The following MAP7D2 variants were observed in gnomAD, a reference collection of about 807,000 sequenced individuals.
MAP7D2 encodes the protein MAP7 domain-containing protein 2.
In MAP7D2, 33 loss-of-function variants were observed where a neutral mutation model predicts 63.5. The ratio of observed to expected loss-of-function variants is 0.52; its 90% CI spans 0.39 to 0.70. The LOEUF is 0.70. Ranked by LOEUF, MAP7D2 falls within the 30% of genes least tolerant of loss-of-function variation. The pLI is 0.00. For missense variants in MAP7D2, 626 were observed against 604.0 expected, an observed-to-expected ratio of 1.04 and a Z score of -0.38; for synonymous variants, 224 against 223.7, an observed-to-expected ratio of 1.00 and a Z score of -0.01.
Position 20,042,563 on chromosome X carries a change from G to C in MAP7D2, c.946C>G (p.Leu316Val), listed in dbSNP as rs1016356368. The change falls in exon 8 of 17, where the codon CTG (leucine) becomes GTG (valine). Residue 316 changes from leucine to valine, a missense_variant. Physicochemically the swap from Leu to Val is conservative, Grantham distance 32 (BLOSUM62 1). Transcript: ENST00000379643. ...SLPVVNFGSP[L>V]RRCEFSGGIP... ...CCTCCAGAAAACTCACATCTTCTCA[G>C]AGGGGACCCGAAGTTCACAACAGGA... 10 of 1,209,693 alleles carry C rather than the reference G, an allele frequency of 8.3e-6. No homozygotes were observed. Among genetic ancestry groups the C allele is most frequent in the Non-Finnish European group, 1.1e-5 (10 of 894,920 alleles).
chrX:20,027,058 T>C (rs181455347), intron 8 of MAP7D2, among the ~76,000 whole-genome samples: 1 of 112,265 alleles, frequency 8.9e-6, no homozygotes, highest in East Asian at 2.8e-4. Flanking sequence ...ATCCTGCTAA[T>C]AAGGGGAAAT....
chrX:20,077,707 C>T (rs2065682332), intron 1 of MAP7D2, among the ~76,000 whole-genome samples: 1 of 112,260 alleles, frequency 8.9e-6, no homozygotes, highest in Non-Finnish European at 1.9e-5. Context: ...TCTGCACACA[C>T]ACCTGGAAAC....
intron 10 of MAP7D2, among the ~76,000 whole-genome samples, chrX:20,020,009 T>G (rs191565781): frequency 8.9e-6 from 1 of 112,235 alleles, no homozygotes; most frequent in Non-Finnish European, 1.9e-5. Flanking sequence ...GGATCCCTTA[T>G]GGACACAGTC....
At chrX:20,060,108 C>T (rs1039021423) in intron 3 of MAP7D2, among the ~76,000 whole-genome samples, 2 of 110,001 alleles carry the variant, frequency 1.8e-5, no homozygotes, top group African/African-American at 6.6e-5. Context: ...CAACCTCCAC[C>T]TCCTAGGTTC....
At chrX:20,071,260 T>C (rs1218941163) in intron 1 of MAP7D2, among the ~76,000 whole-genome samples, 1 of 112,527 alleles carries the variant, frequency 8.9e-6, no homozygotes, top group Non-Finnish European at 1.9e-5. Context: ...ACTTTGGCTA[T>C]ACAATGGAAT....
intron 14 of MAP7D2, 51 bp downstream of exon 14, chrX:20,013,003 C>A (rs777346980): frequency 2.8e-6 from 3 of 1,053,869 alleles, no homozygotes; most frequent in Non-Finnish European, 4.0e-6. Flanking sequence ...CCAAGTCTTA[C>A]GAGCTTTTGC....
chrX:20,042,389 T>A, intron 8 of MAP7D2, 113 bp downstream of exon 8: 3 of 880,245 alleles, frequency 3.4e-6, no homozygotes, highest in Non-Finnish European at 4.9e-6. Context: ...ACTTACCACT[T>A]CTGGCTGGCC....
intron 7 of MAP7D2, 122 bp from the exon 8 acceptor site, chrX:20,042,751 C>T (rs2064693353): frequency 1.2e-5 from 10 of 833,101 alleles, no homozygotes; most frequent in South Asian, 1.2e-4. Flanking sequence ...GAAGCTATAA[C>T]GCTTCACATG....
At chrX:20,088,295 C>CT (rs10713735) in intron 1 of MAP7D2, among the ~76,000 whole-genome samples, 108 of 86,294 alleles carry the variant, frequency 1.3e-3, no homozygotes, top group East Asian at 4.9e-3. Context: ...CAATAGTTTT[C>CT]TTTTTTTTTT....
chrX:20,101,356 C>A (rs888065731), intron 1 of MAP7D2, among the ~76,000 whole-genome samples: 2 of 112,185 alleles, frequency 1.8e-5, no homozygotes, highest in Non-Finnish European at 3.8e-5. Context: ...GGTGACATTT[C>A]TGAGCCCATT....
intron 6 of MAP7D2, among the ~76,000 whole-genome samples, chrX:20,044,768 C>T (rs761291442): frequency 9.0e-6 from 1 of 111,275 alleles, no homozygotes; most frequent in South Asian, 4.0e-4. Flanking sequence ...AGCACTGCCA[C>T]CTAATAGCTG....
At chrX:20,031,716 G>A (rs892089411) in intron 8 of MAP7D2, among the ~76,000 whole-genome samples, 1 of 111,575 alleles carries the variant, frequency 9.0e-6, no homozygotes, top group Non-Finnish European at 1.9e-5. Context: ...GCAGTAAGCC[G>A]AGATCACAGC....
At chrX:20,066,898 A>C (rs1435585966) in intron 1 of MAP7D2, among the ~76,000 whole-genome samples, 1 of 112,154 alleles carries the variant, frequency 8.9e-6, no homozygotes, top group African/African-American at 3.2e-5. Context: ...AGCTCCGGCC[A>C]CTGTCCCCTT....
intron 1 of MAP7D2, among the ~76,000 whole-genome samples, chrX:20,090,363 C>CAAA (rs56957181): frequency 2.3e-5 from 1 of 43,527 alleles, no homozygotes; most frequent in Non-Finnish European, 4.2e-5. Flanking sequence ...GACTCTGTCT[C>CAAA]AAAAAAAAAA....
rs2066392828 is a variant in MAP7D2 at position 20,100,254 on chromosome X, T to C, written c.130+16496A>G. On this transcript the variant is annotated intron_variant, in intron 1 of 16. Coordinates refer to ENST00000379643, the MANE Select transcript of MAP7D2 (RefSeq NM_001168465.2). Reference sequence around the variant, plus strand: ...ATCACTGGAGCAAAGGAGGATGCACTGCCTGGGGTGGCAGCCTTGGACTTG... The same window carrying C: ...ATCACTGGAGCAAAGGAGGATGCACCGCCTGGGGTGGCAGCCTTGGACTTG... Among the ~76,000 whole-genome samples the C allele has an allele frequency of 2.7e-5, 3 of 112,348 alleles. No individual in the cohort carries two copies. In the South Asian group the frequency reaches 1.1e-3, roughly 41 times the overall value.
intron 6 of MAP7D2, chrX:20,049,996 A>T (rs1320600644): frequency 8.6e-6 from 2 of 231,549 alleles, no homozygotes; most frequent in Non-Finnish European, 1.6e-5. Context: ...CAGAAACAGT[A>T]TAACTGTTTG....
chrX:20,094,537 T>C (rs1263462038), intron 1 of MAP7D2, among the ~76,000 whole-genome samples: 4 of 10,135 alleles, frequency 3.9e-4, no homozygotes, highest in Non-Finnish European at 5.9e-4. Context: ...TATATATATA[T>C]ATATGTATAT....
At chrX:20,018,951 C>T (rs373922736) in intron 10 of MAP7D2, among the ~76,000 whole-genome samples, 33 of 111,479 alleles carry the variant, frequency 3.0e-4, no homozygotes, top group African/African-American at 7.2e-4. Context: ...CGCCCTCTGC[C>T]GTGGGCTACC....
chrX:20,015,311 G>A lies in MAP7D2; in HGVS notation c.1661C>T (p.Thr554Ile). ...CTGTTCAGCTACCTCCCGGGCCTTT[G>A]TTTCTGCTGCTTCTTTCTAACAGAA... ...MIEKQKEAAE[T>I]KAREVAEQMR... The change falls in exon 12 of 17, where the codon ACA becomes ATA. Residue 554 changes from threonine (T) to isoleucine (I), a missense_variant. Thr to Ile is a moderately conservative substitution (Grantham distance 89). Transcript: ENST00000379643. The A allele has an allele frequency of 8.3e-7, 1 of 1,208,200 alleles. No homozygotes were observed. The highest frequency in any genetic ancestry group is 3.0e-5 in the East Asian group (1 of 33,840).
Sources: gnomAD v4.1 joint callset for allele counts (sites outside exome capture counted in the v4.1 genomes callset) on GRCh38, gnomAD v4.1.1 for gene constraint, MANE v1.5 for transcripts, NCBI Gene and HGNC (gene_info 2026-07-23, HGNC 2026-07-21) for gene names.